Variants in NUP210L observed in about 807,000 individuals in gnomAD.
The protein encoded by NUP210L is nuclear pore membrane glycoprotein 210-like.
Under a neutral mutation model 208.5 loss-of-function variants are expected in NUP210L, and 74 were observed. The ratio of observed to expected loss-of-function variants is 0.35; its 90% CI spans 0.29 to 0.43. The LOEUF is 0.43. Ranked by LOEUF, NUP210L falls within the 20% of genes least tolerant of loss-of-function variation. NUP210L has a pLI of 1.00. For missense variants in NUP210L, 1,843 were observed against 2,289.4 expected (o/e 0.81, Z 3.98); for synonymous variants, 780 against 816.9 (o/e 0.95, Z 0.77).
At chr1:154,133,679 A>C (rs1235297997) in intron 7 of NUP210L, among the ~76,000 whole-genome samples, 2 of 151,994 alleles carry the variant, frequency 1.3e-5, no homozygotes, top group Non-Finnish European at 2.9e-5. Flanking sequence ...GTGTCTATAA[A>C]AAAATACAAA....
chr1:154,005,734 T>A lies in NUP210L; in HGVS notation c.4931-3749A>T, dbSNP rs565974855. 2.7e-5 allele frequency among the ~76,000 whole-genome samples: 4 copies of A among 148,120 alleles called. No homozygotes were observed. In the East Asian group the frequency reaches 7.9e-4, roughly 29 times the overall value. On this transcript the variant is annotated intron_variant, in intron 35 of 39. Coordinates refer to ENST00000368559, the Ensembl canonical transcript of NUP210L. Reference sequence around the variant, plus strand: ...TATTTTTGTATTTTTTTTTCTTTTTTTTTTTTGAGACAGCGTTTTGCTCTT... The same window carrying A: ...TATTTTTGTATTTTTTTTTCTTTTTATTTTTTGAGACAGCGTTTTGCTCTT...
intron 7 of NUP210L, among the ~76,000 whole-genome samples, chr1:154,134,248 C>G (rs1254065432): frequency 1.3e-5 from 2 of 151,518 alleles, no homozygotes; most frequent in African/African-American, 2.4e-5. Flanking sequence ...CAATGTTGAG[C>G]ATATAGTAGA....
At chr1:154,000,456 A>AT (rs1438860936) in intron 37 of NUP210L, among the ~76,000 whole-genome samples, 1 of 152,174 alleles carries the variant, frequency 6.6e-6, no homozygotes, top group African/African-American at 2.4e-5. Flanking sequence ...GCATACCCGA[A>AT]TTGCAGGCAT....
chr1:154,139,875 T>A (rs1658747407), exon 5 of NUP210L: 5 of 1,612,374 alleles, frequency 3.1e-6, no homozygotes, highest in Non-Finnish European at 4.2e-6. Flanking sequence ...TAAAATCACA[T>A]CTCCTTGTTT....
At chr1:154,018,177 GGC>G (rs1038817946) in intron 33 of NUP210L, among the ~76,000 whole-genome samples, 2 of 151,914 alleles carry the variant, frequency 1.3e-5, no homozygotes, top group South Asian at 2.1e-4. Context: ...TCACCATGTT[GGC>G]CAGGCTGTTC....
At chr1:154,060,585 C>T in exon 20 of NUP210L, 3 of 1,613,826 alleles carry the variant, frequency 1.9e-6, no homozygotes, top group Non-Finnish European at 2.5e-6. Context: ...TGACAACACC[C>T]TGCTCACTGC....
chr1:154,117,399 G>A (rs1296224498), intron 12 of NUP210L, among the ~76,000 whole-genome samples: 1 of 152,122 alleles, frequency 6.6e-6, no homozygotes, highest in East Asian at 1.9e-4. Context: ...TGGCCAACAT[G>A]GAGAAACCCC....
intron 38 of NUP210L, among the ~76,000 whole-genome samples, chr1:153,994,695 C>G (rs1444791683): frequency 5.3e-5 from 8 of 151,936 alleles, no homozygotes; most frequent in African/African-American, 1.9e-4. Context: ...TGATAAGTGG[C>G]TAATTTTCAT....
intron 3 of NUP210L, among the ~76,000 whole-genome samples, chr1:154,142,962 G>C (rs1006712690): frequency 2.0e-5 from 3 of 151,928 alleles, no homozygotes; most frequent in African/African-American, 7.2e-5. Context: ...GCCAAGGCGG[G>C]TGGATCACCT....
At chr1:154,017,805 G>A (rs749450905) in intron 33 of NUP210L, among the ~76,000 whole-genome samples, 26 of 151,858 alleles carry the variant, frequency 1.7e-4, no homozygotes, top group Non-Finnish European at 3.1e-4. Context: ...CGTGAGCCAC[G>A]GCACTAAGCC....
intron 37 of NUP210L, 115 bp downstream of exon 37, chr1:154,000,741 G>A (rs1040123549): frequency 2.4e-5 from 20 of 835,232 alleles, no homozygotes; most frequent in African/African-American, 3.4e-5. Flanking sequence ...TTTTTGGACC[G>A]TGGTTGACAG....
chr1:154,009,850 CAA>C, intron 35 of NUP210L, 120 bp downstream of exon 35: 1 of 697,664 alleles, frequency 1.4e-6, no homozygotes, highest in Non-Finnish European at 2.1e-6. Flanking sequence ...TGTTGCCTGA[CAA>C]AGATTCCACA....
intron 37 of NUP210L, among the ~76,000 whole-genome samples, chr1:153,999,264 C>T (rs1004463086): frequency 6.6e-6 from 1 of 152,130 alleles, no homozygotes; most frequent in Non-Finnish European, 1.5e-5. Context: ...ACTGATGGTT[C>T]TCTAGCTTTT....
At chr1:154,062,153 G>T (rs556721258) in intron 17 of NUP210L, among the ~76,000 whole-genome samples, 2 of 152,122 alleles carry the variant, frequency 1.3e-5, no homozygotes, top group East Asian at 3.9e-4. Flanking sequence ...TGCTGACCAT[G>T]CCAATATGTA....
intron 16 of NUP210L, among the ~76,000 whole-genome samples, chr1:154,082,806 G>A (rs1282064366): frequency 5.3e-5 from 8 of 152,230 alleles, no homozygotes; most frequent in African/African-American, 1.2e-4. Context: ...GTAGACCTTC[G>A]CCTTGAGTGT....
exon 30 of NUP210L, chr1:154,025,708 G>C: frequency 6.2e-7 from 1 of 1,612,038 alleles, no homozygotes; most frequent in Non-Finnish European, 8.5e-7. Context: ...CACGAAGGCA[G>C]CTCCTTCCCT....
exon 38 of NUP210L, chr1:153,995,166 A>C (rs752079350): frequency 1.2e-6 from 2 of 1,613,282 alleles, no homozygotes; most frequent in Non-Finnish European, 1.7e-6. Flanking sequence ...AGGATGGCGG[A>C]ATCTTCACAG....
chr1:154,032,666 C>A (rs980560341), intron 27 of NUP210L, among the ~76,000 whole-genome samples: 2 of 152,028 alleles, frequency 1.3e-5, no homozygotes, highest in Admixed American at 1.3e-4. Context: ...GCCTGTAATC[C>A]CAGCACTTTG....
chr1:153,996,182 C>T (rs1649851990), intron 37 of NUP210L, among the ~76,000 whole-genome samples: 1 of 152,004 alleles, frequency 6.6e-6, no homozygotes, highest in African/African-American at 2.4e-5. Context: ...GTCCCAGCTA[C>T]TTGGGAGGCT....
Sources: gnomAD v4.1 joint callset for allele counts (sites outside exome capture counted in the v4.1 genomes callset) on GRCh38, gnomAD v4.1.1 for gene constraint, MANE v1.5 for transcripts, NCBI Gene and HGNC (gene_info 2026-07-23, HGNC 2026-07-21) for gene names.